Variants in CDH13 observed in about 807,000 individuals in gnomAD.
CDH13 encodes the protein cadherin-13.
In CDH13, 24 loss-of-function variants were observed where a neutral mutation model predicts 63.8. The ratio of observed to expected loss-of-function variants is 0.38; its 90% CI spans 0.27 to 0.53. The LOEUF is 0.53. Ranked by LOEUF, CDH13 falls within the 20% of genes least tolerant of loss-of-function variation. The pLI, the probability that CDH13 is intolerant of heterozygous loss-of-function variation, is 0.85. For synonymous variants in CDH13, 503 were observed against 355.3 expected (o/e 1.42, Z -4.67); for missense variants, 1,049 against 903.1 (o/e 1.16, Z -2.07).
chr16:83,166,239 C>G lies in CDH13; in HGVS notation c.483+40738C>G, dbSNP rs1361291954. On this transcript the variant is annotated intron_variant, in intron 4 of 13. Transcript: ENST00000567109. The stretch of plus-strand genomic sequence containing the variant: ...TGTAAGTGAATAACCAAGTGCTGCT[C>G]TGGTACAATTGAGGTATGAAATACC... Among the ~76,000 whole-genome samples, 3 of 152,096 alleles carry G rather than the reference C, an allele frequency of 2.0e-5. No individual in the cohort carries two copies. In the East Asian group the frequency reaches 5.8e-4, roughly 29 times the overall value.
chr16:82,794,351 A>G (rs1338387405), intron 1 of CDH13, among the ~76,000 whole-genome samples: 1 of 150,170 alleles, frequency 6.7e-6, no homozygotes, highest in African/African-American at 2.4e-5. Flanking sequence ...TGTTGGTCTT[A>G]AGAACACTTT....
intron 6 of CDH13, among the ~76,000 whole-genome samples, chr16:83,425,160 T>G (rs7193823): frequency 0.58 from 87,529 of 152,034 alleles, 25,876 homozygotes; most frequent in African/African-American, 0.7. Flanking sequence ...CATTCTGCTC[T>G]CCCGACATTA....
rs144745583 is a variant in CDH13 at position 83,111,669 on chromosome 16, G to A, written c.367-13716G>A. Among the ~76,000 whole-genome samples the A allele has an allele frequency of 1.3e-3, 203 of 152,298 alleles. 7 individuals carry two copies. The East Asian group carries it at 0.031, about 23-fold the overall frequency. ...GTCAGAGCACTCAGGCATTGGATTGGAGAATGGAGTTGAGATGAGAAGCAG... is the reference window on the plus strand; with the variant it reads ...GTCAGAGCACTCAGGCATTGGATTGAAGAATGGAGTTGAGATGAGAAGCAG... On this transcript the variant is annotated intron_variant, in intron 3 of 13. Transcript: ENST00000567109.
intron 5 of CDH13, among the ~76,000 whole-genome samples, chr16:83,223,051 G>C (rs886846478): frequency 3.4e-5 from 4 of 118,460 alleles, no homozygotes; most frequent in Non-Finnish European, 3.7e-5. Flanking sequence ...GATATTGCCA[G>C]TTGTCCTATA....
At chr16:82,910,111 A>G (rs1479724558) in intron 2 of CDH13, among the ~76,000 whole-genome samples, 1 of 152,096 alleles carries the variant, frequency 6.6e-6, no homozygotes, top group Non-Finnish European at 1.5e-5. Context: ...CATCCCATCA[A>G]ATGCCGATGT....
At chr16:83,174,002 A>G (rs1314660477) in intron 4 of CDH13, among the ~76,000 whole-genome samples, 3 of 152,082 alleles carry the variant, frequency 2.0e-5, no homozygotes, top group Middle Eastern at 3.2e-3. Flanking sequence ...GACAATAACA[A>G]TCCTCCTCCA....
At chr16:83,724,426 AG>A (rs35364002) in intron 10 of CDH13, among the ~76,000 whole-genome samples, 58,135 of 148,986 alleles carry the variant, frequency 0.39, 12,693 homozygotes, top group South Asian at 0.53. Context: ...TAGGTGAGTG[AG>A]GAATGCATGG....
intron 2 of CDH13, among the ~76,000 whole-genome samples, chr16:82,860,706 CATATTATGAGT>C (rs1349124029): frequency 2.0e-5 from 3 of 151,448 alleles, no homozygotes; most frequent in African/African-American, 7.3e-5. Context: ...AAGCAATGAA[CATATTATGAGT>C]ATAGAGCCTG....
intron 8 of CDH13, among the ~76,000 whole-genome samples, chr16:83,637,519 A>C (rs1372506548): frequency 1.5e-5 from 1 of 65,232 alleles, no homozygotes; most frequent in Non-Finnish European, 3.0e-5. Flanking sequence ...GGGGTGACGG[A>C]TGCACCTGGA....
At chr16:82,973,748 C>A (rs917776125) in intron 2 of CDH13, among the ~76,000 whole-genome samples, 2 of 152,094 alleles carry the variant, frequency 1.3e-5, no homozygotes, top group Non-Finnish European at 2.9e-5. Flanking sequence ...ATGACATTTC[C>A]TTTTCTAGTC....
At chr16:83,692,076 C>G (rs1361841739) in intron 10 of CDH13, among the ~76,000 whole-genome samples, 2 of 152,224 alleles carry the variant, frequency 1.3e-5, no homozygotes, top group African/African-American at 4.8e-5. Flanking sequence ...GTCGTCACCT[C>G]TCTGCTCTTC....
chr16:83,438,258 A>G (rs1318807014), intron 6 of CDH13, among the ~76,000 whole-genome samples: 1 of 152,230 alleles, frequency 6.6e-6, no homozygotes, highest in South Asian at 2.1e-4. Flanking sequence ...ACCATGCTCC[A>G]TCACCCCAAC....
At chr16:82,849,773 C>G (rs1459245638) in intron 1 of CDH13, among the ~76,000 whole-genome samples, 1 of 152,182 alleles carries the variant, frequency 6.6e-6, no homozygotes, top group Non-Finnish European at 1.5e-5. Flanking sequence ...GCTTATTCAC[C>G]ATTGCAAACA....
At chr16:83,285,093 C>T (rs1244722005) in intron 5 of CDH13, among the ~76,000 whole-genome samples, 1 of 152,102 alleles carries the variant, frequency 6.6e-6, no homozygotes, top group Non-Finnish European at 1.5e-5. Context: ...TTTGGAACGG[C>T]TTTTTAACCT....
chr16:83,087,671 C>CAA (rs67228844), intron 3 of CDH13, among the ~76,000 whole-genome samples: 883 of 43,994 alleles, frequency 0.02, 182 homozygotes, highest in African/African-American at 0.034. Context: ...CCCTCCGTCT[C>CAA]AAAAAAAAAA....
At chr16:82,732,902 G>T (rs1247112552) in intron 1 of CDH13, among the ~76,000 whole-genome samples, 1 of 152,166 alleles carries the variant, frequency 6.6e-6, no homozygotes, top group Non-Finnish European at 1.5e-5. Flanking sequence ...AAACTAGAGG[G>T]AATTCCTATC....
intron 1 of CDH13, among the ~76,000 whole-genome samples, chr16:82,754,097 G>A (rs1262078720): frequency 1.3e-5 from 2 of 152,192 alleles, no homozygotes; most frequent in Non-Finnish European, 2.9e-5. Flanking sequence ...AGCACAGTCT[G>A]TTGCCATGTG....
chr16:82,866,681 A>G (rs1011503589), intron 2 of CDH13, among the ~76,000 whole-genome samples: 17 of 152,068 alleles, frequency 1.1e-4, no homozygotes, highest in Non-Finnish European at 1.8e-4. Context: ...AAGAGGTTCA[A>G]TTGACTCACA....
chr16:82,836,746 C>A (rs1331112735), intron 1 of CDH13, among the ~76,000 whole-genome samples: 1 of 152,180 alleles, frequency 6.6e-6, no homozygotes, highest in East Asian at 1.9e-4. Context: ...CTTAGAAAGG[C>A]TCTACCCCAA....
Sources: allele counts gnomAD v4.1 joint callset (sites outside exome capture counted in the v4.1 genomes callset), GRCh38; gene constraint gnomAD v4.1.1; transcripts MANE v1.5; gene names NCBI Gene and HGNC (gene_info 2026-07-23, HGNC 2026-07-21).